The following PDE2A variants were observed in gnomAD, a reference collection of about 807,000 sequenced individuals.
The protein encoded by PDE2A is cGMP-dependent 3',5'-cyclic phosphodiesterase.
A neutral mutation model predicts 133.6 loss-of-function variants in PDE2A; 53 were observed. The ratio of observed to expected loss-of-function variants is 0.40; its 90% CI spans 0.32 to 0.50. The LOEUF (loss-of-function observed/expected upper bound fraction) is 0.50, where lower values mean the gene tolerates loss of function less well. Ranked by LOEUF, PDE2A falls within the 20% of genes least tolerant of loss-of-function variation. The pLI is 0.73. For missense variants in PDE2A, 796 were observed against 1,232.4 expected (o/e 0.65, Z 5.30); for synonymous variants, 491 against 490.2 (o/e 1.00, Z -0.02).
intron 19 of PDE2A, 72 bp downstream of exon 19, chr11:72,584,129 G>GA: frequency 1.3e-6 from 1 of 779,692 alleles, no homozygotes; most frequent in East Asian, 2.7e-5. Context: ...TCAGTCGGAG[G>GA]AGGAGAACCG....
Position 72,585,408 on chromosome 11 carries a change from T to C in PDE2A, c.1249A>G (p.Ile417Val), listed in dbSNP as rs1465621025. Reference sequence around the variant, plus strand: ...CTGAGGTTTCTGGCCTCCGTGATGATCTCCTGGAGCAGGACAGAGACGTCA... The same window carrying C: ...CTGAGGTTTCTGGCCTCCGTGATGACCTCCTGGAGCAGGACAGAGACGTCA... ...LDDVSVLLQE[I>V]ITEARNLSNA... The change falls in exon 16 of 31, where the codon ATC becomes GTC. Residue 417 changes from isoleucine (I) to valine (V), a missense_variant. Ile to Val is a conservative substitution (Grantham distance 29). Transcript: ENST00000334456. The C allele has an allele frequency of 2.7e-5, 44 of 1,613,940 alleles. No homozygotes were observed. Among genetic ancestry groups the C allele is most frequent in the Non-Finnish European group, 3.7e-5 (44 of 1,179,998 alleles).
chr11:72,672,430 C>T (rs1243965307), intron 1 of PDE2A, among the ~76,000 whole-genome samples: 2 of 152,234 alleles, frequency 1.3e-5, no homozygotes, highest in Non-Finnish European at 1.5e-5. Context: ...AAGTGATCCA[C>T]CTGCTTCTGC....
At chr11:72,657,939 G>A (rs1039246028) in intron 1 of PDE2A, 5 of 455,990 alleles carry the variant, frequency 1.1e-5, no homozygotes, top group African/African-American at 8.0e-5. Context: ...GCAGGGCAGG[G>A]CATGTCCCTC....
chr11:72,584,608 T>C lies in PDE2A; in HGVS notation c.1480A>G (p.Ser494Gly). Reference protein sequence around the residue: ...HPLFYRGVDDSTGFRTRNILC... With the variant: ...HPLFYRGVDDGTGFRTRNILC... ...ATGTTGCGCGTGCGGAAGCCGGTGC[T>C]GTCGTCCACGCCGCGGTAGAAAAGC... The change falls in exon 18 of 31, where the codon AGC becomes GGC. Residue 494 changes from serine to glycine, a missense_variant. Ser to Gly is a moderately conservative substitution (Grantham distance 56, BLOSUM62 0). This residue lies in a region of PDE2A where 218 missense variants were observed against 465.9 expected (regional missense o/e 0.47). Transcript: ENST00000334456. 1 of 1,612,894 alleles carries C rather than the reference T, an allele frequency of 6.2e-7. No individual in the cohort carries two copies. The highest frequency in any genetic ancestry group is 8.5e-7 in the Non-Finnish European group (1 of 1,180,030).
chr11:72,667,311 A>G (rs1470432319), intron 1 of PDE2A, among the ~76,000 whole-genome samples: 1 of 152,120 alleles, frequency 6.6e-6, no homozygotes, highest in African/African-American at 2.4e-5. Flanking sequence ...TCATGACCCA[A>G]AAGAAACCCA....
intron 2 of PDE2A, among the ~76,000 whole-genome samples, chr11:72,638,898 C>A (rs540773241): frequency 1.3e-5 from 2 of 152,346 alleles, no homozygotes; most frequent in Non-Finnish European, 2.9e-5. Context: ...AGCAAGATCC[C>A]TTTTGCCAGT....
intron 2 of PDE2A, among the ~76,000 whole-genome samples, chr11:72,636,775 C>T (rs542229082): frequency 3.4e-4 from 51 of 152,170 alleles, no homozygotes; most frequent in Admixed American, 3.1e-3. Flanking sequence ...TCATCACCCC[C>T]GCTTACCTGG....
chr11:72,626,506 C>A (rs1292213500), intron 2 of PDE2A, among the ~76,000 whole-genome samples: 1 of 152,222 alleles, frequency 6.6e-6, no homozygotes, highest in Non-Finnish European at 1.5e-5. Context: ...CATCTGGCAG[C>A]TAGGAGCACT....
At chr11:72,586,352 G>T (rs1000933606) in intron 13 of PDE2A, among the ~76,000 whole-genome samples, 171 bp from the exon 14 acceptor site, 1 of 152,166 alleles carries the variant, frequency 6.6e-6, no homozygotes, top group Non-Finnish European at 1.5e-5. Flanking sequence ...CAGACTGGGG[G>T]CTGCCCAAGG....
At chr11:72,583,316 G>A (rs1177617750) in intron 20 of PDE2A, 122 bp downstream of exon 20, 1 of 709,584 alleles carries the variant, frequency 1.4e-6, no homozygotes, top group Non-Finnish European at 2.5e-6. Flanking sequence ...AGGAGGGCAG[G>A]AGGCCTGCTG....
chr11:72,579,062 T>A, intron 27 of PDE2A, 53 bp from the exon 28 acceptor site: 1 of 1,357,570 alleles, frequency 7.4e-7, no homozygotes, highest in Non-Finnish European at 1.1e-6. Flanking sequence ...TTTGCCCTTC[T>A]GAGGACAAGG....
intron 2 of PDE2A, among the ~76,000 whole-genome samples, chr11:72,631,361 G>A (rs1858373176): frequency 1.3e-5 from 2 of 152,144 alleles, no homozygotes; most frequent in South Asian, 4.1e-4. Flanking sequence ...TCTGAGAACA[G>A]AGCCATATTC....
chr11:72,591,688 C>T (rs1015396048), intron 6 of PDE2A, among the ~76,000 whole-genome samples: 1 of 152,218 alleles, frequency 6.6e-6, no homozygotes, highest in African/African-American at 2.4e-5. Flanking sequence ...TGGAGCGCTG[C>T]AGGTCCTGAT....
chr11:72,581,651 C>T (rs984088810), intron 22 of PDE2A, among the ~76,000 whole-genome samples, 172 bp from the exon 23 acceptor site: 12 of 152,240 alleles, frequency 7.9e-5, no homozygotes, highest in African/African-American at 2.9e-4. Flanking sequence ...CCTCTGGCTA[C>T]ACACTCTCGG....
At chr11:72,605,247 G>A (rs1374105568) in intron 3 of PDE2A, 21 bp from the exon 4 acceptor site, 1 of 1,550,362 alleles carries the variant, frequency 6.5e-7, no homozygotes, top group South Asian at 1.2e-5. Flanking sequence ...AGGCACTTAT[G>A]AGACCCTGTG....
chr11:72,623,346 C>T (rs1857873964), intron 2 of PDE2A, among the ~76,000 whole-genome samples: 1 of 152,158 alleles, frequency 6.6e-6, no homozygotes, highest in African/African-American at 2.4e-5. Context: ...CTCTGCCTCC[C>T]TGGCCCTCCT....
rs1591014729 is a variant in PDE2A, at chr11:72,582,314, A to G, written c.1851+130T>C. 8.9e-6 allele frequency: 8 copies of G among 897,172 alleles called. No homozygotes were observed. The East Asian group carries it at 2.0e-4, about 23-fold the overall frequency. 55.6% of individuals were successfully genotyped at this position (897,172 alleles called of 1,614,324 possible). On this transcript the variant is annotated intron_variant, in intron 21 of 30. Coordinates refer to ENST00000334456, the MANE Select transcript of PDE2A (RefSeq NM_002599.5). ...CTGATGGCAGACTACAAGCCCCTCCATCTCTGAGGGACCCTCCACAGCCTT... is the reference window on the plus strand; with the variant it reads ...CTGATGGCAGACTACAAGCCCCTCCGTCTCTGAGGGACCCTCCACAGCCTT...
intron 26 of PDE2A, 27 bp downstream of exon 26, chr11:72,579,507 T>TGCCC: frequency 5.2e-6 from 7 of 1,354,166 alleles, no homozygotes; most frequent in Non-Finnish European, 5.2e-6. Flanking sequence ...TCCCCCTCAA[T>TGCCC]CCCCACCCCA....
intron 2 of PDE2A, chr11:72,636,003 C>T: frequency 1.6e-6 from 2 of 1,258,000 alleles, no homozygotes; most frequent in South Asian, 1.3e-5. Context: ...AACTCCCATG[C>T]CCTTCCTGTC....
Sources: allele counts gnomAD v4.1 joint callset (sites outside exome capture counted in the v4.1 genomes callset), GRCh38; gene constraint gnomAD v4.1.1; regional missense constraint gnomAD v4.1.1; transcripts MANE v1.5; gene names NCBI Gene and HGNC (gene_info 2026-07-23, HGNC 2026-07-21).